EFNA2: variants seen among roughly 807,000 people sequenced by gnomAD.
The protein encoded by EFNA2 is ephrin A2.
Under a neutral mutation model 19.7 loss-of-function variants are expected in EFNA2, and 18 were observed. The ratio of observed to expected loss-of-function variants is 0.91; its 90% CI spans 0.63 to 1.35. The LOEUF (loss-of-function observed/expected upper bound fraction) is 1.35. Among genes scored for constraint, EFNA2 ranks in the 40% most tolerant of loss-of-function variants. The pLI, the probability that EFNA2 is intolerant of heterozygous loss-of-function variation, is 0.00. For missense variants in EFNA2, 303 were observed against 296.0 expected (o/e 1.02, Z -0.17); for synonymous variants, 187 against 137.8 (o/e 1.36, Z -2.50).
chr19:1,287,949 G>A lies in EFNA2; in HGVS notation c.140+1641G>A, dbSNP rs952884016. Among the ~76,000 whole-genome samples, 8 of 152,250 alleles carry A rather than the reference G, an allele frequency of 5.3e-5. No individual in the cohort carries two copies. Among genetic ancestry groups the A allele is most frequent in the African/African-American group, 1.4e-4 (6 of 41,474 alleles). Reference sequence around the variant, plus strand: ...CACCTGCCACAGGGCTGTGGGCTGCGGGCCGGACCCCCGGCCAGGGGAAGG... The same window carrying A: ...CACCTGCCACAGGGCTGTGGGCTGCAGGCCGGACCCCCGGCCAGGGGAAGG... On this transcript the variant is annotated intron_variant, in intron 1 of 3. Coordinates refer to ENST00000215368, the MANE Select transcript of EFNA2 (RefSeq NM_001405.4). The surrounding 1 kb of genome is among the most constrained non-coding windows in gnomAD (Gnocchi z 6.2).
At chr19:1,284,673 C>T (rs886916227), upstream of EFNA2, among the ~76,000 whole-genome samples, 6 of 152,174 alleles carry the variant, frequency 3.9e-5, no homozygotes, top group Non-Finnish European at 8.8e-5. The surrounding 1 kb of genome is among the most constrained non-coding windows in gnomAD (Gnocchi z 5.3). Flanking sequence ...GTCCGGTCCC[C>T]ACCCCACCTT....
At position 1,294,279 on chromosome 19, in the gene EFNA2, C is replaced by T. The variant is rs866062944; in HGVS notation, c.141-1266C>T. On this transcript the variant is annotated intron_variant, in intron 1 of 3. Transcript: ENST00000215368. This position sits in a 1 kb window ranked among gnomAD's most constrained non-coding sequence, Gnocchi z 5.8. ...TGACAGGGGCCCTGGGGACCACAGC[C>T]GGGAGATCTAAGGGCTCCTGCCGCC... is the stretch of plus-strand genomic sequence containing the variant. 1.3e-5 allele frequency among the ~76,000 whole-genome samples: 2 copies of T among 152,296 alleles called. No homozygotes were observed. The highest frequency in any genetic ancestry group is 2.1e-4 in the South Asian group (1 of 4,828).
In EFNA2 at chr19:1,286,612, G is replaced by A. The variant is rs2081466374; in HGVS notation, c.140+304G>A. Among the ~76,000 whole-genome samples, 1 of 152,150 alleles carries A rather than the reference G, an allele frequency of 6.6e-6. No homozygotes were observed. ...TTGGGGAACCCCTCTGGTACCCTCCGATGCCGGGTAGCCCCTGAGTTGCCT... is the reference window on the plus strand; with the variant it reads ...TTGGGGAACCCCTCTGGTACCCTCCAATGCCGGGTAGCCCCTGAGTTGCCT... On this transcript the variant is annotated intron_variant, in intron 1 of 3. Transcript: ENST00000215368. This position sits in a 1 kb window ranked among gnomAD's most constrained non-coding sequence, Gnocchi z 5.6.
chr19:1,286,228 G>A lies in EFNA2; in HGVS notation c.60G>A (p.Pro20=), dbSNP rs749333161. 3.6e-6 allele frequency: 4 copies of A among 1,122,906 alleles called. No individual in the cohort carries two copies. The highest frequency in any genetic ancestry group is 3.9e-5 in the Admixed American group (1 of 25,478). The allele number at this position is 1,122,906 out of a possible 1,614,324, so 69.6% of individuals were successfully genotyped here. The stretch of plus-strand genomic sequence containing the variant: ...TGCTCCTGCTGTTACCGCTGCCGCC[G>A]CCGCCCTTCGCGCGCGCCGAGGACG... The part of the protein sequence containing the change: ...PLLLLLLPLP[P]PPFARAEDAA... The change falls in exon 1 of 4, where the codon CCG becomes CCA. Residue 20 remains proline (P), a synonymous_variant. Coordinates refer to ENST00000215368, the MANE Select transcript of EFNA2 (RefSeq NM_001405.4). This position sits in a 1 kb window ranked among gnomAD's most constrained non-coding sequence, Gnocchi z 5.6.
rs2081534868 is a variant in EFNA2, at chr19:1,300,167, G to A, written c.*222G>A. The A allele has an allele frequency of 1.8e-6, 1 of 561,518 alleles. No homozygotes were observed. The allele number at this position is 561,518 out of a possible 1,614,324, so 34.8% of individuals were successfully genotyped here. A position where few individuals can be genotyped will look rare whatever the true frequency, so the allele number is the denominator to read the frequency against. Reference sequence around the variant, plus strand: ...AGAGCCCCCCCCCGGAGGCCCGAGGGGCCGGGGTGTGGATGCGGACCGTGG... The same window carrying A: ...AGAGCCCCCCCCCGGAGGCCCGAGGAGCCGGGGTGTGGATGCGGACCGTGG... On this transcript the variant is annotated 3_prime_UTR_variant, in exon 4 of 4. Transcript: ENST00000215368.
Position 1,285,943 on chromosome 19 carries a change from C to G in EFNA2, c.-226C>G, listed in dbSNP as rs1001015227. On this transcript the variant is annotated 5_prime_UTR_variant, in exon 1 of 4. Coordinates refer to ENST00000215368, the MANE Select transcript of EFNA2 (RefSeq NM_001405.4). This position sits in a 1 kb window ranked among gnomAD's most constrained non-coding sequence, Gnocchi z 4.1. ...CTCCGACAGTCCGCGCGGCCGGGTC[C>G]TGCGCCCGGGGCGACCCCGGCGCCC... Among the ~76,000 whole-genome samples the G allele has an allele frequency of 1.4e-5, 2 of 144,978 alleles. No individual in the cohort carries two copies. Among genetic ancestry groups the G allele is most frequent in the Admixed American group, 1.4e-4 (2 of 14,624 alleles).
In EFNA2 at chr19:1,286,817, C is replaced by T. The variant is rs1200396737; in HGVS notation, c.140+509C>T. 6.6e-6 allele frequency among the ~76,000 whole-genome samples: 1 copy of T among 152,232 alleles called. No homozygotes were observed. The highest frequency in any genetic ancestry group is 1.5e-5 in the Non-Finnish European group (1 of 68,030). ...TGAACTTGGGGAAGTTGGAGTGTCC[C>T]TCCCTCAGGACCCAGCATCTGCTTC... On this transcript the variant is annotated intron_variant, in intron 1 of 3. Coordinates refer to ENST00000215368, the MANE Select transcript of EFNA2 (RefSeq NM_001405.4). This position sits in a 1 kb window ranked among gnomAD's most constrained non-coding sequence, Gnocchi z 5.6.
At position 1,295,423 on chromosome 19, in the gene EFNA2, C is replaced by T; in HGVS notation, c.141-122C>T. 1.9e-6 allele frequency: 2 copies of T among 1,068,492 alleles called. No homozygotes were observed. The highest frequency in any genetic ancestry group is 2.6e-6 in the Non-Finnish European group (2 of 779,528). The allele number at this position is 1,068,492 out of a possible 1,614,324, so 66.2% of individuals were successfully genotyped here. ...CCCCCGTGCTCCTGACCCCGGCCCT[C>T]GCCGCGCACCCCGACCCGTCCCTCG... On this transcript the variant is annotated intron_variant, in intron 1 of 3. Coordinates refer to ENST00000215368, the MANE Select transcript of EFNA2 (RefSeq NM_001405.4). This position sits in a 1 kb window ranked among gnomAD's most constrained non-coding sequence, Gnocchi z 5.8.
At position 1,296,297 on chromosome 19, in the gene EFNA2, T is replaced by C. The variant is rs1017997939; in HGVS notation, c.454+439T>C. ...CAGTAGACCTGGCTCAGCCCCCCGA[T>C]AGCGAGACCAGGGTGCCCGAGCCCC... On this transcript the variant is annotated intron_variant, in intron 2 of 3. Transcript: ENST00000215368. The surrounding 1 kb of genome is among the most constrained non-coding windows in gnomAD (Gnocchi z 4.4). 2.6e-5 allele frequency among the ~76,000 whole-genome samples: 4 copies of C among 152,086 alleles called. No homozygotes were observed. Among genetic ancestry groups the C allele is most frequent in the Non-Finnish European group, 5.9e-5 (4 of 67,982 alleles).
intron 1 of EFNA2, among the ~76,000 whole-genome samples, chr19:1,288,915 G>A (rs747174707): frequency 4.6e-5 from 7 of 152,204 alleles, no homozygotes; most frequent in Non-Finnish European, 1.0e-4. Flanking sequence ...CAGCCGACCC[G>A]CATCGGGCTG....
chr19:1,286,775 G>T lies in EFNA2; in HGVS notation c.140+467G>T, dbSNP rs997864130. Among the ~76,000 whole-genome samples the T allele has an allele frequency of 1.4e-4, 22 of 152,216 alleles. No individual in the cohort carries two copies. Among genetic ancestry groups the T allele is most frequent in the Admixed American group, 1.4e-3 (22 of 15,284 alleles). ...CTCGAGGGATCTCTGGGTTCGTCCT[G>T]CCCGCAGGTCCCCAGATGAACTTGG... On this transcript the variant is annotated intron_variant, in intron 1 of 3. Coordinates refer to ENST00000215368, the MANE Select transcript of EFNA2 (RefSeq NM_001405.4). The surrounding 1 kb of genome is among the most constrained non-coding windows in gnomAD (Gnocchi z 5.6).
rs2081512844 is a variant in EFNA2, at chr19:1,295,934, A to G, written c.454+76A>G. ...GGGGCGGGGCCAGGAAGTGGGCGGGACCACTGGGGTGGGGCCGGGGAGTGG... is the reference window on the plus strand; with the variant it reads ...GGGGCGGGGCCAGGAAGTGGGCGGGGCCACTGGGGTGGGGCCGGGGAGTGG... On this transcript the variant is annotated intron_variant, in intron 2 of 3. Transcript: ENST00000215368. This position sits in a 1 kb window ranked among gnomAD's most constrained non-coding sequence, Gnocchi z 5.8. The G allele has an allele frequency of 5.4e-6, 5 of 925,050 alleles. No individual in the cohort carries two copies. The highest frequency in any genetic ancestry group is 5.0e-5 in the Admixed American group (1 of 19,892). The allele number at this position is 925,050 out of a possible 1,614,324, so 57.3% of individuals were successfully genotyped here.
At chr19:1,289,491 C>T (rs1196002433) in intron 1 of EFNA2, among the ~76,000 whole-genome samples, 3 of 152,312 alleles carry the variant, frequency 2.0e-5, no homozygotes, top group South Asian at 2.1e-4. Flanking sequence ...CTCTCCTCCT[C>T]CCCTGGGGAC....
rs2081466021 is a variant in EFNA2, at chr19:1,286,536, C to T, written c.140+228C>T. Among the ~76,000 whole-genome samples, 2 of 152,032 alleles carry T rather than the reference C, an allele frequency of 1.3e-5. No homozygotes were observed. Among genetic ancestry groups the T allele is most frequent in the South Asian group, 2.1e-4 (1 of 4,832 alleles). On this transcript the variant is annotated intron_variant, in intron 1 of 3. Coordinates refer to ENST00000215368, the MANE Select transcript of EFNA2 (RefSeq NM_001405.4). The surrounding 1 kb of genome is among the most constrained non-coding windows in gnomAD (Gnocchi z 5.6). ...CCGGGGCGCCCCATTGCCCTACGGA[C>T]TGTGGGGACTCGCGCCCCACATCCC...
chr19:1,297,613 C>T lies in EFNA2; in HGVS notation c.455-938C>T, dbSNP rs575946367. On this transcript the variant is annotated intron_variant, in intron 2 of 3. Coordinates refer to ENST00000215368, the MANE Select transcript of EFNA2 (RefSeq NM_001405.4). This position sits in a 1 kb window ranked among gnomAD's most constrained non-coding sequence, Gnocchi z 5.0. ...GCGTGCACATGGACCCACCCCTGTTCGATTGTCCACACGTGTGCACACCCC... is the reference window on the plus strand; with the variant it reads ...GCGTGCACATGGACCCACCCCTGTTTGATTGTCCACACGTGTGCACACCCC... Among the ~76,000 whole-genome samples, 4 of 152,144 alleles carry T rather than the reference C, an allele frequency of 2.6e-5. No homozygotes were observed. The highest frequency in any genetic ancestry group is 1.9e-4 in the East Asian group (1 of 5,166).
chr19:1,295,600 A>G lies in EFNA2; in HGVS notation c.196A>G (p.Asn66Asp). The G allele has an allele frequency of 1.9e-6, 3 of 1,610,806 alleles. No individual in the cohort carries two copies. The highest frequency in any genetic ancestry group is 1.1e-5 in the South Asian group (1 of 90,830). ...GGGYTVEVSI[N>D]DYLDIYCPHY... Reference sequence around the variant, plus strand: ...GGGCTACACGGTGGAGGTGAGCATCAATGACTACCTGGACATCTACTGCCC... The same window carrying G: ...GGGCTACACGGTGGAGGTGAGCATCGATGACTACCTGGACATCTACTGCCC... Residue 66 changes from asparagine (N) to aspartate (D), a missense_variant, in exon 2 of 4, where the codon AAT becomes GAT. By Grantham distance (23) the Asn-to-Asp change is conservative. Transcript: ENST00000215368. This position sits in a 1 kb window ranked among gnomAD's most constrained non-coding sequence, Gnocchi z 5.8.
intron 2 of EFNA2, 111 bp from the exon 3 acceptor site, chr19:1,298,440 C>G: frequency 1.9e-6 from 2 of 1,078,848 alleles, no homozygotes; most frequent in African/African-American, 1.6e-5. Flanking sequence ...AAGGGTGGCT[C>G]TCCACCTGGG....
Position 1,286,361 on chromosome 19 carries a change from G to T in EFNA2, c.140+53G>T, listed in dbSNP as rs2081464744. 1.1e-6 allele frequency: 1 copy of T among 946,784 alleles called. No homozygotes were observed. Among genetic ancestry groups the T allele is most frequent in the Admixed American group, 6.3e-5 (1 of 15,778 alleles). 58.6% of individuals were successfully genotyped at this position (946,784 alleles called of 1,614,324 possible). On this transcript the variant is annotated intron_variant, in intron 1 of 3. Transcript: ENST00000215368. This position sits in a 1 kb window ranked among gnomAD's most constrained non-coding sequence, Gnocchi z 5.6. ...CCGGGGACCCCCCAACGCCCCCCAA[G>T]CCGCGCCCGGCCTCGCGCCCCCGGA...
chr19:1,286,190 C>T lies in EFNA2; in HGVS notation c.22C>T (p.Leu8=). Residue 8 remains leucine (L), a synonymous_variant, in exon 1 of 4, where the codon CTG becomes TTG. Transcript: ENST00000215368. This position sits in a 1 kb window ranked among gnomAD's most constrained non-coding sequence, Gnocchi z 5.6. MAPAQRP[L]LPLLLLLLPL... ...GGCCATGGCGCCCGCGCAGCGCCCG[C>T]TGCTCCCGCTGCTGCTCCTGCTGTT... is the stretch of plus-strand genomic sequence containing the variant. The T allele has an allele frequency of 3.9e-6, 4 of 1,035,796 alleles. No individual in the cohort carries two copies. The highest frequency in any genetic ancestry group is 4.6e-6 in the Non-Finnish European group (4 of 861,576). 64.2% of individuals were successfully genotyped at this position (1,035,796 alleles called of 1,614,324 possible).
Sources: gnomAD v4.1 joint callset for allele counts (sites outside exome capture counted in the v4.1 genomes callset) on GRCh38, gnomAD v4.1.1 for gene constraint, Gnocchi (gnomAD v3.1) non-coding constraint, MANE v1.5 for transcripts, NCBI Gene and HGNC (gene_info 2026-07-23, HGNC 2026-07-21) for gene names.